The following RBBP8 variants were observed in gnomAD, a reference collection of about 807,000 sequenced individuals.
The protein encoded by RBBP8 is RB binding protein 8, endonuclease.
Under a neutral mutation model 108.3 loss-of-function variants are expected in RBBP8, and 88 were observed. The observed-to-expected ratio is 0.81, with a 90% CI of 0.68 to 0.97. RBBP8 has a LOEUF of 0.97. Ranked by LOEUF, RBBP8 falls within the 50% of genes least tolerant of loss-of-function variation. The pLI is 0.00. For synonymous variants in RBBP8, 332 were observed against 348.2 expected (o/e 0.95, Z 0.52); for missense variants, 1,023 against 1,049.0 (o/e 0.98, Z 0.34).
At chr18:22,955,418 T>A (rs1219428751) in intron 4 of RBBP8, among the ~76,000 whole-genome samples, 1 of 152,172 alleles carries the variant, frequency 6.6e-6, no homozygotes, top group Non-Finnish European at 1.5e-5. Context: ...GTAGTTAGTA[T>A]GTATTGAGGA....
At chr18:23,006,509 C>CT (rs916279948) in intron 16 of RBBP8, 77 bp downstream of exon 16, 1,421 of 1,262,114 alleles carry the variant, frequency 1.1e-3, no homozygotes, top group Middle Eastern at 2.4e-3. Context: ...TCTCTTTTTT[C>CT]TTTTTTTTTA....
chr18:22,980,965 CT>C (rs1167377654), intron 6 of RBBP8, among the ~76,000 whole-genome samples: 40 of 69,492 alleles, frequency 5.8e-4, no homozygotes, highest in African/African-American at 1.7e-3. Context: ...CCACTTATGT[CT>C]TTTTTTTTTT....
intron 10 of RBBP8, among the ~76,000 whole-genome samples, chr18:22,992,074 A>T (rs1012169400): frequency 6.6e-6 from 1 of 152,226 alleles, no homozygotes; most frequent in Admixed American, 6.5e-5. Flanking sequence ...CTTTCTACGC[A>T]TATTTCCTCT....
intron 3 of RBBP8, among the ~76,000 whole-genome samples, chr18:22,926,191 G>A (rs1446999004): frequency 6.6e-6 from 1 of 152,252 alleles, no homozygotes; most frequent in Admixed American, 6.5e-5. Context: ...GGGAGGCCAA[G>A]GCAGGTGGAT....
Position 22,933,438 on chromosome 18 carries a change from G to C in RBBP8, c.-225G>C, listed in dbSNP as rs570452407. The C allele has an allele frequency of 3.6e-4, 55 of 154,370 alleles. No homozygotes were observed. Among genetic ancestry groups the C allele is most frequent in the Non-Finnish European group, 6.6e-4 (45 of 68,208 alleles). The allele number at this position is 154,370 out of a possible 1,614,324, so 9.6% of individuals were successfully genotyped here. On this transcript the variant is annotated 5_prime_UTR_variant, in exon 1 of 19. Coordinates refer to ENST00000327155, the MANE Select transcript of RBBP8 (RefSeq NM_002894.3). ...GTCCGGAGGGGTCGGCTTTCCCACC[G>C]AGGATTTGGCACTCTGGTGAGGGAA...
At chr18:23,004,054 CTCAA>C (rs2045994106) in intron 15 of RBBP8, among the ~76,000 whole-genome samples, 1 of 78,714 alleles carries the variant, frequency 1.3e-5, no homozygotes, top group African/African-American at 5.4e-5. Context: ...AAGACCCCGT[CTCAA>C]AAAAAAAAAA....
chr18:22,930,825 A>C (rs1423055553), upstream of RBBP8, among the ~76,000 whole-genome samples: 2 of 152,144 alleles, frequency 1.3e-5, no homozygotes, highest in African/African-American at 2.4e-5. Context: ...AGGCTGGAGT[A>C]CAGTGGCACA....
chr18:22,923,137 C>CAT (rs138283711), intron 3 of RBBP8, among the ~76,000 whole-genome samples: 1,934 of 151,378 alleles, frequency 0.013, 23 homozygotes, highest in Admixed American at 0.031. Context: ...CAGTTTCTTA[C>CAT]ATATATATAT....
At chr18:22,972,600 GAT>G (rs1914194575) in intron 5 of RBBP8, among the ~76,000 whole-genome samples, 1 of 151,954 alleles carries the variant, frequency 6.6e-6, no homozygotes, top group African/African-American at 2.4e-5. Context: ...TTTTAGTAGA[GAT>G]GGGGTTTTGC....
chr18:23,018,120 CA>C (rs1191443526), intron 17 of RBBP8, among the ~76,000 whole-genome samples: 1 of 152,008 alleles, frequency 6.6e-6, no homozygotes, highest in Non-Finnish European at 1.5e-5. Context: ...AGTGCAATCT[CA>C]GCTCACCACA....
intron 3 of RBBP8, among the ~76,000 whole-genome samples, chr18:22,925,593 T>C (rs1909762631): frequency 6.6e-6 from 1 of 152,192 alleles, no homozygotes; most frequent in African/African-American, 2.4e-5. Flanking sequence ...AGTGAATAAA[T>C]CCATCAATTC....
upstream of RBBP8, among the ~76,000 whole-genome samples, chr18:22,931,218 G>A (rs1157207630): frequency 2.0e-5 from 3 of 152,128 alleles, no homozygotes; most frequent in Admixed American, 1.3e-4. Flanking sequence ...AGATAGCTGG[G>A]GCAAAGAGTG....
Position 22,934,508 on chromosome 18 carries a change from G to A in RBBP8, c.-99+944G>A, listed in dbSNP as rs913038321. Among the ~76,000 whole-genome samples, 11 of 151,792 alleles carry A rather than the reference G, an allele frequency of 7.2e-5. No individual in the cohort carries two copies. The East Asian group carries it at 2.1e-3, about 29-fold the overall frequency. On this transcript the variant is annotated intron_variant, in intron 1 of 18. Transcript: ENST00000327155. ...TTTTTTTTCTTTTTGCTGCAGAGAGGTATTTTTTCTTTATTTTATTATTAT... is the reference window on the plus strand; with the variant it reads ...TTTTTTTTCTTTTTGCTGCAGAGAGATATTTTTTCTTTATTTTATTATTAT...
intron 4 of RBBP8, among the ~76,000 whole-genome samples, chr18:22,955,639 G>A (rs1223129590): frequency 4.7e-5 from 7 of 150,462 alleles, no homozygotes; most frequent in Admixed American, 2.6e-4. Flanking sequence ...GTGCAGTGGC[G>A]CGATCTCTGC....
At chr18:22,957,877 T>C (rs1344842953) in intron 4 of RBBP8, among the ~76,000 whole-genome samples, 1 of 152,218 alleles carries the variant, frequency 6.6e-6, no homozygotes, top group African/African-American at 2.4e-5. Flanking sequence ...TTTCATTTTG[T>C]AACCATCTAG....
chr18:23,008,753 T>G (rs535555504), intron 16 of RBBP8, among the ~76,000 whole-genome samples: 174 of 150,614 alleles, frequency 1.2e-3, no homozygotes, highest in Middle Eastern at 3.4e-3. Context: ...GGAAAAAGAT[T>G]TTTTGTATGA....
At position 23,022,268 on chromosome 18, in the gene RBBP8, G is replaced by T; in HGVS notation, c.2594G>T (p.Arg865Ile). The change falls in exon 18 of 19, where the codon AGA (arginine) becomes ATA (isoleucine). Residue 865 changes from arginine to isoleucine, a missense_variant and splice_region_variant. Coordinates refer to ENST00000327155, the MANE Select transcript of RBBP8 (RefSeq NM_002894.3). ...CCTTCCACTCAGACTTGTATGGAAA[G>T]AGGTGAGAGTATAGATTGTAACATT... ...GFPSTQTCME[R>I]GYIKEDLDPC... 6.2e-7 allele frequency: 1 copy of T among 1,608,394 alleles called. No individual in the cohort carries two copies. The highest frequency in any genetic ancestry group is 8.5e-7 in the Non-Finnish European group (1 of 1,174,970).
At chr18:23,014,699 C>T (rs1209312619) in intron 16 of RBBP8, among the ~76,000 whole-genome samples, 1 of 152,100 alleles carries the variant, frequency 6.6e-6, no homozygotes, top group East Asian at 1.9e-4. Context: ...TTTTTCTTCC[C>T]AACGTACTCC....
At chr18:22,967,259 G>A (rs1055258621) in intron 4 of RBBP8, among the ~76,000 whole-genome samples, 2 of 151,594 alleles carry the variant, frequency 1.3e-5, no homozygotes, top group Admixed American at 6.6e-5. Flanking sequence ...CCAGCTACTC[G>A]GGAGACTGAG....
Sources: gnomAD v4.1 joint callset for allele counts (sites outside exome capture counted in the v4.1 genomes callset) on GRCh38, gnomAD v4.1.1 for gene constraint, MANE v1.5 for transcripts, NCBI Gene and HGNC (gene_info 2026-07-23, HGNC 2026-07-21) for gene names.